The following CTNNA2 variants were observed in gnomAD, a reference collection of about 807,000 sequenced individuals.
The protein encoded by CTNNA2 is catenin alpha-2.
In CTNNA2, 42 loss-of-function variants were observed where a neutral mutation model predicts 101.0. The observed-to-expected ratio is 0.42, with a 90% confidence interval of 0.32 to 0.54. The LOEUF (loss-of-function observed/expected upper bound fraction) is 0.54, where lower values mean the gene tolerates loss of function less well. Ranked by LOEUF, CTNNA2 falls within the 20% of genes least tolerant of loss-of-function variation. The pLI is 0.14. For missense variants in CTNNA2, 871 were observed against 1,223.1 expected, an observed-to-expected ratio of 0.71 and a Z score of 4.29; for synonymous variants, 450 against 456.4, an observed-to-expected ratio of 0.99 and a Z score of 0.18.
At chr2:79,660,249 A>G (rs575923940) in intron 2 of CTNNA2, among the ~76,000 whole-genome samples, 3 of 133,692 alleles carry the variant, frequency 2.2e-5, no homozygotes, top group Admixed American at 1.5e-4. Context: ...ATATATGTGT[A>G]TATACATATG....
At chr2:79,860,547 T>TTTTTTTTTTTTG (rs1553385359) in intron 4 of CTNNA2, among the ~76,000 whole-genome samples, 1 of 14,248 alleles carries the variant, frequency 7.0e-5, no homozygotes, top group Non-Finnish European at 1.5e-4. Flanking sequence ...GTAAGGGAAG[T>TTTTTTTTTTTTG]TTTTTTTTTT....
At chr2:79,433,224 T>C (rs923505356) in intron 4 of CTNNA2, among the ~76,000 whole-genome samples, 3 of 152,136 alleles carry the variant, frequency 2.0e-5, no homozygotes, top group Non-Finnish European at 2.9e-5. Flanking sequence ...AATCATTGTT[T>C]TGGTTGGAAA....
rs1040206412 is a variant in CTNNA2 at position 79,874,306 on chromosome 2, C to T, written c.816C>T (p.Gly272=). The T allele has an allele frequency of 1.2e-6, 2 of 1,613,844 alleles. No homozygotes were observed. Among genetic ancestry groups the T allele is most frequent in the Non-Finnish European group, 1.7e-6 (2 of 1,180,024 alleles). Reference sequence around the variant, plus strand: ...CTGACGAAGCCAAGGGCCACACGGGCATCGGCGAGCTGGCTGCGGCTCTTA... The same window carrying T: ...CTGACGAAGCCAAGGGCCACACGGGTATCGGCGAGCTGGCTGCGGCTCTTA... ...SPTDEAKGHT[G]IGELAAALNE... Residue 272 remains glycine, a synonymous_variant, in exon 6 of 19, where the codon GGC becomes GGT. Transcript: ENST00000402739.
intron 1 of CTNNA2, among the ~76,000 whole-genome samples, chr2:79,544,517 G>A (rs996156275): frequency 2.0e-5 from 3 of 152,152 alleles, no homozygotes; most frequent in African/African-American, 7.2e-5. Context: ...GAGGCCTTCT[G>A]TAGCATAGAA....
At chr2:80,271,263 A>G (rs1017802904) in intron 7 of CTNNA2, among the ~76,000 whole-genome samples, 1 of 152,116 alleles carries the variant, frequency 6.6e-6, no homozygotes, top group Non-Finnish European at 1.5e-5. Flanking sequence ...GGTGATAGTG[A>G]TATTAGGTTG....
At chr2:79,568,625 GAAAGA>G (rs1027507819) in intron 1 of CTNNA2, among the ~76,000 whole-genome samples, 70 of 151,664 alleles carry the variant, frequency 4.6e-4, no homozygotes, top group Admixed American at 1.8e-3. Context: ...AAAAGAAAAG[GAAAGA>G]AAAGAAAAGA....
intron 2 of CTNNA2, among the ~76,000 whole-genome samples, chr2:79,251,767 C>G (rs1674773507): frequency 6.6e-6 from 1 of 152,160 alleles, no homozygotes; most frequent in Non-Finnish European, 1.5e-5. Context: ...CCCTGGCTGA[C>G]ACCCTGGTGG....
At chr2:79,509,566 G>C (rs981150627), upstream of CTNNA2, among the ~76,000 whole-genome samples, 7 of 152,140 alleles carry the variant, frequency 4.6e-5, no homozygotes, top group Admixed American at 4.6e-4. Flanking sequence ...AAAACTTGGA[G>C]ACAGGAAAAA....
chr2:80,128,233 G>T (rs143163922), intron 7 of CTNNA2, among the ~76,000 whole-genome samples: 1 of 152,176 alleles, frequency 6.6e-6, no homozygotes, highest in Non-Finnish European at 1.5e-5. Flanking sequence ...TGTGAAAACC[G>T]AAGCCTGGTG....
intron 7 of CTNNA2, among the ~76,000 whole-genome samples, chr2:80,345,099 A>G (rs962096038): frequency 6.6e-6 from 1 of 152,230 alleles, no homozygotes; most frequent in Non-Finnish European, 1.5e-5. Context: ...CACAATAGCC[A>G]GAGTGATCCT....
At chr2:79,329,037 A>G (rs1676811576) in intron 3 of CTNNA2, among the ~76,000 whole-genome samples, 1 of 152,208 alleles carries the variant, frequency 6.6e-6, no homozygotes, top group Non-Finnish European at 1.5e-5. Context: ...GACACTAGTT[A>G]TGCTGAGTTT....
chr2:80,191,276 T>C (rs571798015), intron 7 of CTNNA2, among the ~76,000 whole-genome samples: 1 of 152,308 alleles, frequency 6.6e-6, no homozygotes, highest in East Asian at 1.9e-4. Flanking sequence ...TTTGGTAAGA[T>C]TTTACTCACA....
chr2:80,150,740 T>C (rs1310706840), intron 7 of CTNNA2, among the ~76,000 whole-genome samples: 1 of 152,188 alleles, frequency 6.6e-6, no homozygotes, highest in African/African-American at 2.4e-5. Flanking sequence ...TACAGAAGTA[T>C]GCAATGCTAG....
chr2:80,198,894 T>C (rs976055265), intron 7 of CTNNA2, among the ~76,000 whole-genome samples: 2 of 152,008 alleles, frequency 1.3e-5, no homozygotes, highest in Admixed American at 6.6e-5. Flanking sequence ...AGAATTGCAG[T>C]GCATAGGGCT....
chr2:80,093,303 C>T (rs917881806), intron 7 of CTNNA2, among the ~76,000 whole-genome samples: 14 of 152,022 alleles, frequency 9.2e-5, no homozygotes, highest in Non-Finnish European at 1.9e-4. Context: ...TGGTTTCCAG[C>T]TTCATCCATG....
chr2:79,495,132 C>A (rs1452281291), intron 4 of CTNNA2, among the ~76,000 whole-genome samples: 5 of 151,780 alleles, frequency 3.3e-5, no homozygotes, highest in South Asian at 2.1e-4. Context: ...AACAAACAAA[C>A]AAAAAAACAA....
intron 2 of CTNNA2, among the ~76,000 whole-genome samples, chr2:79,228,696 G>T (rs886857730): frequency 1.1e-4 from 16 of 150,930 alleles, no homozygotes; most frequent in Non-Finnish European, 1.5e-4. Context: ...CCATTCTGCA[G>T]GCTGTCTGTT....
At position 79,860,554 on chromosome 2, in the gene CTNNA2, T is replaced by TTTTTTGTTTTG. The variant is rs1381640014; in HGVS notation, c.465+2380_465+2381insGTTTTGTTTTT. Among the ~76,000 whole-genome samples the TTTTTTGTTTTG allele has an allele frequency of 2.7e-4, 40 of 149,994 alleles. No individual in the cohort carries two copies. In the South Asian group the frequency reaches 4.2e-3, roughly 16 times the overall value. On this transcript the variant is annotated intron_variant, in intron 4 of 18. Transcript: ENST00000402739. ...ACAGCCGAGTAAGGGAAGTTTTTTTTTTTTTTTTTTTAACGATTTAGCACA... is the reference window on the plus strand; with the variant it reads ...ACAGCCGAGTAAGGGAAGTTTTTTTTTTTTTGTTTTGTTTTTTTTTTTAACGATTTAGCACA...
intron 7 of CTNNA2, among the ~76,000 whole-genome samples, chr2:80,176,140 C>T (rs142767481): frequency 6.6e-6 from 1 of 152,324 alleles, no homozygotes; most frequent in East Asian, 1.9e-4. Context: ...CACAAGTCCA[C>T]TCCTTGTCAC....
Sources: gnomAD v4.1 joint callset for allele counts (sites outside exome capture counted in the v4.1 genomes callset) on GRCh38, gnomAD v4.1.1 for gene constraint, MANE v1.5 for transcripts, NCBI Gene and HGNC (gene_info 2026-07-23, HGNC 2026-07-21) for gene names.